FAM227B: variants seen among roughly 807,000 people sequenced by gnomAD.
FAM227B encodes protein FAM227B.
In FAM227B, 88 loss-of-function variants were observed where a neutral mutation model predicts 73.8. The ratio of observed to expected loss-of-function variants is 1.19; its 90% CI spans 1.00 to 1.42. FAM227B has a LOEUF of 1.42. Ranked by LOEUF, FAM227B falls within the 40% of genes most tolerant of loss-of-function variation. The probability of loss-of-function intolerance (pLI) is 0.00; values close to 1 mark genes in which losing one functional copy is unlikely to be tolerated. For missense variants in FAM227B, 632 were observed against 590.9 expected, an observed-to-expected ratio of 1.07 and a Z score of -0.72; for synonymous variants, 210 against 190.5, an observed-to-expected ratio of 1.10 and a Z score of -0.84.
intron 11 of FAM227B, among the ~76,000 whole-genome samples, chr15:49,450,895 GA>G (rs923637855): frequency 3.9e-5 from 6 of 151,958 alleles, no homozygotes; most frequent in Non-Finnish European, 8.8e-5. Flanking sequence ...ACCTATTTGG[GA>G]AAAAAACTAA....
intron 9 of FAM227B, among the ~76,000 whole-genome samples, chr15:49,563,461 T>C (rs2074411239): frequency 6.6e-6 from 1 of 152,230 alleles, no homozygotes; most frequent in African/African-American, 2.4e-5. Flanking sequence ...AAACTACCAA[T>C]ACTATTTTTC....
In FAM227B at chr15:49,541,740, A is replaced by G; in HGVS notation, c.814T>C (p.Tyr272His). ...TFHEAFPESS[Y>H]LFNDEFKEDL... ...TCTTTAAATTCATCATTAAAGAGGT[A>G]ACTCGATTCTGGAAATGCTTCATGG... The change falls in exon 10 of 16, where the codon TAC becomes CAC. Residue 272 changes from tyrosine (Y) to histidine (H), a missense_variant. Coordinates refer to ENST00000299338, the MANE Select transcript of FAM227B (RefSeq NM_152647.3). The G allele has an allele frequency of 6.5e-7, 1 of 1,545,908 alleles. No homozygotes were observed. The highest frequency in any genetic ancestry group is 1.3e-5 in the South Asian group (1 of 77,448).
At chr15:49,460,606 T>C (rs932699920) in intron 11 of FAM227B, among the ~76,000 whole-genome samples, 2 of 152,218 alleles carry the variant, frequency 1.3e-5, no homozygotes, top group African/African-American at 4.8e-5. Flanking sequence ...AAAAATGTTC[T>C]AGCAACAGCC....
chr15:49,440,610 A>C (rs1479054223), intron 11 of FAM227B, among the ~76,000 whole-genome samples: 1 of 151,812 alleles, frequency 6.6e-6, no homozygotes, highest in East Asian at 1.9e-4. Context: ...ATGGGAGAAT[A>C]AAAACTTCTC....
intron 11 of FAM227B, among the ~76,000 whole-genome samples, chr15:49,378,044 G>T (rs540433916): frequency 6.6e-6 from 1 of 152,178 alleles, no homozygotes; most frequent in African/African-American, 2.4e-5. Flanking sequence ...TCTATGACAA[G>T]AGATAGCGGT....
intron 11 of FAM227B, among the ~76,000 whole-genome samples, chr15:49,401,206 T>G (rs984303261): frequency 2.0e-5 from 3 of 152,190 alleles, no homozygotes; most frequent in Non-Finnish European, 4.4e-5. Context: ...GAACAGACAC[T>G]TCTCAAAAGA....
intron 13 of FAM227B, chr15:49,353,555 C>T (rs2042564918): frequency 6.6e-6 from 1 of 151,140 alleles, no homozygotes; most frequent in Admixed American, 6.6e-5. Context: ...TGAAAAATCT[C>T]ATTAACAGAT....
intron 5 of FAM227B, among the ~76,000 whole-genome samples, chr15:49,584,984 C>A (rs2076056880): frequency 6.6e-6 from 1 of 151,966 alleles, no homozygotes. Flanking sequence ...TGAACTCAAA[C>A]AAATTACAAG....
At chr15:49,351,135 T>C (rs1208178479) in intron 13 of FAM227B, among the ~76,000 whole-genome samples, 1 of 139,294 alleles carries the variant, frequency 7.2e-6, no homozygotes, top group East Asian at 2.2e-4. Flanking sequence ...TTTGTTAGCC[T>C]TGTTTGCACT....
chr15:49,362,986 C>A (rs2044514231), intron 13 of FAM227B, among the ~76,000 whole-genome samples: 1 of 152,140 alleles, frequency 6.6e-6, no homozygotes, highest in Non-Finnish European at 1.5e-5. Flanking sequence ...GTCTTTGTGT[C>A]TGCTTTCATA....
chr15:49,362,178 C>T (rs149546610), intron 13 of FAM227B, among the ~76,000 whole-genome samples: 2 of 152,046 alleles, frequency 1.3e-5, no homozygotes, highest in Non-Finnish European at 2.9e-5. Flanking sequence ...GAATTGTAAT[C>T]CCCATGTGTT....
intron 13 of FAM227B, chr15:49,366,298 T>C (rs1020539272): frequency 3.8e-6 from 3 of 787,886 alleles, no homozygotes; most frequent in Non-Finnish European, 4.7e-6. Context: ...CATCAGGAAA[T>C]TCAGATCTGT....
intron 11 of FAM227B, among the ~76,000 whole-genome samples, chr15:49,477,201 A>C (rs867347531): frequency 1.3e-5 from 2 of 152,240 alleles, no homozygotes; most frequent in South Asian, 4.1e-4. Context: ...TTATGCCATC[A>C]GTTTATACTA....
rs532432729 is a variant in FAM227B, at chr15:49,335,484, T to C, written c.1284A>G (p.Pro428=). ...CCTCCTTTATAACATCACGGTATGT[T>C]GGAGCAGGTAGTGTGCTAGGCTTAT... The part of the protein sequence containing the change: ...TKIFQEPLPA[P]TYRDVIKEAK... Residue 428 remains proline (P), a synonymous_variant, in exon 14 of 16, where the codon CCA becomes CCG. Coordinates refer to ENST00000299338, the MANE Select transcript of FAM227B (RefSeq NM_152647.3). The C allele has an allele frequency of 3.2e-5, 52 of 1,613,428 alleles. No individual in the cohort carries two copies. The highest frequency in any genetic ancestry group is 4.0e-5 in the Non-Finnish European group (47 of 1,179,394).
intron 12 of FAM227B, among the ~76,000 whole-genome samples, chr15:49,369,286 G>A (rs778081727): frequency 6.6e-6 from 1 of 152,030 alleles, no homozygotes; most frequent in Non-Finnish European, 1.5e-5. Flanking sequence ...GCAGAATGTC[G>A]CAAGTTGACC....
At chr15:49,452,400 A>T (rs750350936) in intron 11 of FAM227B, among the ~76,000 whole-genome samples, 8 of 152,126 alleles carry the variant, frequency 5.3e-5, no homozygotes, top group Non-Finnish European at 1.0e-4. Context: ...CATATTTGTG[A>T]AAATTAAAAT....
At chr15:49,363,826 G>C (rs7176321) in intron 13 of FAM227B, among the ~76,000 whole-genome samples, 6,005 of 152,144 alleles carry the variant, frequency 0.039, 329 homozygotes, top group African/African-American at 0.11. Flanking sequence ...TATCATGAAG[G>C]GATGTTGAAT....
At chr15:49,365,121 A>T (rs2044902090) in intron 13 of FAM227B, 1 of 708,034 alleles carries the variant, frequency 1.4e-6, no homozygotes, top group Non-Finnish European at 2.6e-6. Flanking sequence ...TCCACATAAT[A>T]TTATTGCTGG....
At chr15:49,554,902 T>G (rs574164998) in intron 9 of FAM227B, among the ~76,000 whole-genome samples, 1 of 152,336 alleles carries the variant, frequency 6.6e-6, no homozygotes, top group Admixed American at 6.5e-5. Context: ...TAAACTAGAA[T>G]AGCAACTTCT....
Sources: gnomAD v4.1 joint callset for allele counts (sites outside exome capture counted in the v4.1 genomes callset) on GRCh38, gnomAD v4.1.1 for gene constraint, MANE v1.5 for transcripts, NCBI Gene and HGNC (gene_info 2026-07-23, HGNC 2026-07-21) for gene names.